The following MMP26 variants were observed in gnomAD, a reference collection of about 807,000 sequenced individuals.
MMP26 encodes the protein matrix metalloproteinase-26.
Under a neutral mutation model 31.0 loss-of-function variants are expected in MMP26, and 33 were observed. That is an observed-to-expected ratio of 1.06 (90% CI 0.81 to 1.42). MMP26 has a LOEUF of 1.42. MMP26 is among the 40% of genes most tolerant of loss of function. The pLI, the probability that MMP26 is intolerant of heterozygous loss-of-function variation, is 0.00. For missense variants in MMP26, 347 were observed against 316.1 expected (o/e 1.10, Z -0.74); for synonymous variants, 122 against 114.9 (o/e 1.06, Z -0.40).
At chr11:4,764,597 G>A (rs1407902960) in intron 1 of MMP26, among the ~76,000 whole-genome samples, 1 of 152,196 alleles carries the variant, frequency 6.6e-6, no homozygotes, top group Admixed American at 6.5e-5. Context: ...TGGGCAGGGC[G>A]CAGTGGTTCA....
At chr11:4,804,752 C>T (rs1003307745) in intron 2 of MMP26, 9 of 354,996 alleles carry the variant, frequency 2.5e-5, no homozygotes, top group Non-Finnish European at 5.0e-5. Flanking sequence ...CAAGACCAGC[C>T]TGGCTGACAT....
rs531771137 is a variant in MMP26, at chr11:4,885,817, G to C, written c.-144-102251G>C. 3.3e-5 allele frequency among the ~76,000 whole-genome samples: 5 copies of C among 152,090 alleles called. No individual in the cohort carries two copies. The East Asian group carries it at 9.7e-4, about 29-fold the overall frequency. On this transcript the variant is annotated intron_variant, in intron 2 of 7. Coordinates refer to ENST00000380390, the MANE Select transcript of MMP26 (RefSeq NM_021801.5). ...CTCTATTAAGTTACATTTTATATTA[G>C]GTTTTACTTCTAGGAAGCTTTGCTT...
chr11:4,879,002 G>A (rs1184284646), intron 2 of MMP26, among the ~76,000 whole-genome samples: 9 of 152,144 alleles, frequency 5.9e-5, no homozygotes, highest in African/African-American at 2.2e-4. Context: ...TTGGGAAGCC[G>A]AGGCGGGTGG....
chr11:4,944,655 T>G (rs1846267066), intron 2 of MMP26: 1 of 152,062 alleles, frequency 6.6e-6, no homozygotes, highest in South Asian at 2.1e-4. Flanking sequence ...AATGGGTAGG[T>G]AAAATGAAAA....
At chr11:4,763,995 A>G (rs1257936536) in intron 1 of MMP26, among the ~76,000 whole-genome samples, 1 of 152,184 alleles carries the variant, frequency 6.6e-6, no homozygotes, top group Non-Finnish European at 1.5e-5. Context: ...AAAGCATGTA[A>G]ATTACACAGA....
chr11:4,842,944 G>C (rs771558354), intron 2 of MMP26, among the ~76,000 whole-genome samples: 1 of 152,134 alleles, frequency 6.6e-6, no homozygotes, highest in Admixed American at 6.6e-5. Flanking sequence ...AAAACCAAGG[G>C]GCTACAGTTC....
Position 4,769,334 on chromosome 11 carries a change from C to A in MMP26, c.-145+1993C>A. On this transcript the variant is annotated intron_variant, in intron 2 of 7. Coordinates refer to ENST00000380390, the MANE Select transcript of MMP26 (RefSeq NM_021801.5). ...AATTAATCCACAGATGCTATTTGCC[C>A]GAATGTCTGAACATGCTAATTGAAT... 7 of 1,613,396 alleles carry A rather than the reference C, an allele frequency of 4.3e-6. No individual in the cohort carries two copies. In the South Asian group the frequency reaches 4.4e-5, roughly 10 times the overall value.
chr11:4,907,944 A>G (rs764220321), intron 2 of MMP26: 17 of 1,614,020 alleles, frequency 1.1e-5, no homozygotes, highest in Middle Eastern at 1.6e-4. Context: ...TGCTCTGACA[A>G]CAAGACCAAT....
chr11:4,852,082 A>C (rs1849983528), intron 2 of MMP26, among the ~76,000 whole-genome samples: 1 of 152,136 alleles, frequency 6.6e-6, no homozygotes, highest in Non-Finnish European at 1.5e-5. Flanking sequence ...AAATAGTTGA[A>C]AGTAAGAAGG....
At chr11:4,892,635 T>C (rs1850641504) in intron 2 of MMP26, among the ~76,000 whole-genome samples, 1 of 152,214 alleles carries the variant, frequency 6.6e-6, no homozygotes. Flanking sequence ...TTGACTAAAC[T>C]GATCTTGAGA....
intron 2 of MMP26, among the ~76,000 whole-genome samples, chr11:4,816,131 T>C (rs552281863): frequency 2.6e-5 from 4 of 152,302 alleles, no homozygotes; most frequent in Admixed American, 1.3e-4. Flanking sequence ...ATCAACCTGT[T>C]GGTTGTTCAG....
chr11:4,827,764 T>G (rs1849597512), intron 2 of MMP26, among the ~76,000 whole-genome samples: 1 of 151,888 alleles, frequency 6.6e-6, no homozygotes, highest in African/African-American at 2.4e-5. Flanking sequence ...ATAGATTTTA[T>G]TTCATCTTTT....
intron 2 of MMP26, among the ~76,000 whole-genome samples, chr11:4,881,291 C>T (rs1008313896): frequency 1.3e-5 from 2 of 152,088 alleles, no homozygotes; most frequent in Non-Finnish European, 1.5e-5. Flanking sequence ...CATTTCTTTG[C>T]CTTTATGAGA....
chr11:4,927,761 C>T (rs1851292730), intron 2 of MMP26, among the ~76,000 whole-genome samples: 1 of 152,126 alleles, frequency 6.6e-6, no homozygotes, highest in Non-Finnish European at 1.5e-5. Context: ...CCAAAAGCTT[C>T]TCCTCAGGGG....
intron 2 of MMP26, among the ~76,000 whole-genome samples, chr11:4,869,641 A>C (rs1011599676): frequency 1.3e-5 from 2 of 152,182 alleles, no homozygotes; most frequent in African/African-American, 2.4e-5. Context: ...TGGTTCAACC[A>C]CTGTGGAAGA....
chr11:4,709,108 G>C (rs1179756152), intron 1 of MMP26, among the ~76,000 whole-genome samples: 1 of 151,998 alleles, frequency 6.6e-6, no homozygotes, highest in African/African-American at 2.4e-5. Context: ...GGGTCACATG[G>C]ACTTATAAAC....
At chr11:4,715,619 G>T (rs536146412) in intron 1 of MMP26, among the ~76,000 whole-genome samples, 2 of 152,268 alleles carry the variant, frequency 1.3e-5, no homozygotes, top group Non-Finnish European at 2.9e-5. Context: ...ATTTCTGAGG[G>T]TAGGGAGGAA....
At chr11:4,793,749 A>G (rs1242142477) in intron 2 of MMP26, 1 of 152,172 alleles carries the variant, frequency 6.6e-6, no homozygotes, top group Non-Finnish European at 1.5e-5. Flanking sequence ...AATAAAGAAA[A>G]TCAAGTTGGT....
At chr11:4,953,699 G>A (rs1257754490) in intron 2 of MMP26, among the ~76,000 whole-genome samples, 1 of 125,732 alleles carries the variant, frequency 8.0e-6, no homozygotes, top group African/African-American at 2.7e-5. Context: ...GGAGATTAAT[G>A]AATATCTGAT....
Sources: gnomAD v4.1 joint callset for allele counts (sites outside exome capture counted in the v4.1 genomes callset) on GRCh38, gnomAD v4.1.1 for gene constraint, MANE v1.5 for transcripts, NCBI Gene and HGNC (gene_info 2026-07-23, HGNC 2026-07-21) for gene names.